UPF2: variants seen among roughly 807,000 people sequenced by gnomAD.
The protein encoded by UPF2 is regulator of nonsense transcripts 2.
In UPF2, 17 loss-of-function variants were observed where a neutral mutation model predicts 141.4. That is an observed-to-expected ratio of 0.12 (90% CI 0.08 to 0.18). The LOEUF is 0.18. UPF2 is among the 10% of genes least tolerant of loss of function. The pLI is 1.00. For synonymous variants in UPF2, 540 were observed against 498.0 expected (o/e 1.08, Z -1.12); for missense variants, 1,152 against 1,515.9 (o/e 0.76, Z 3.99).
intron 8 of UPF2, among the ~76,000 whole-genome samples, chr10:11,981,217 A>C (rs924213397): frequency 6.6e-6 from 1 of 152,164 alleles, no homozygotes; most frequent in African/African-American, 2.4e-5. Flanking sequence ...TAAATGGAGG[A>C]AACTGGCTAA....
At chr10:11,934,260 C>A (rs971272285) in intron 19 of UPF2, among the ~76,000 whole-genome samples, 1 of 152,162 alleles carries the variant, frequency 6.6e-6, no homozygotes, top group Non-Finnish European at 1.5e-5. Flanking sequence ...TTTCCAGGTG[C>A]TCTGAGGACA....
At chr10:11,947,607 T>G (rs1833017285) in intron 16 of UPF2, among the ~76,000 whole-genome samples, 2 of 151,328 alleles carry the variant, frequency 1.3e-5, no homozygotes, top group Admixed American at 1.3e-4. Flanking sequence ...TATAGCAAGA[T>G]CCCCATCTCT....
Position 12,035,329 on chromosome 10 carries a change from C to G in UPF2, c.95G>C (p.Ser32Thr). 6.2e-7 allele frequency: 1 copy of G among 1,613,618 alleles called. No homozygotes were observed. The highest frequency in any genetic ancestry group is 8.5e-7 in the Non-Finnish European group (1 of 1,179,972). The part of the protein sequence containing the change: ...EKDCSERRTV[S>T]SKERPKDDIK... ...ATCGTCTTTTGGCCTCTCCTTGCTG[C>G]TCACTGTCCGCCTTTCACTGCAGTC... Residue 32 changes from serine to threonine, a missense_variant, in exon 2 of 22, where the codon AGC becomes ACC. This residue lies in a region of UPF2 where 145 missense variants were observed against 136.5 expected (regional missense o/e 1.06). Coordinates refer to ENST00000357604, the MANE Select transcript of UPF2 (RefSeq NM_015542.4).
At position 12,029,327 on chromosome 10, in the gene UPF2, G is replaced by A; in HGVS notation, c.563C>T (p.Ser188Phe). The A allele has an allele frequency of 6.2e-7, 1 of 1,614,164 alleles. No homozygotes were observed. ...LKTITEQQRD[S>F]LSHDFNGLNL... ...TAGGCCATTAAAATCATGGGACAAG[G>A]AGTCTCTCTGTTGTTCTGTAATAGT... The change falls in exon 3 of 22, where the codon TCC (serine) becomes TTC (phenylalanine). Residue 188 changes from serine (S) to phenylalanine (F), a missense_variant. This residue lies in a region of UPF2 where 739 missense variants were observed against 1,032.2 expected (regional missense o/e 0.72). Transcript: ENST00000357604.
At chr10:11,967,189 T>G in intron 10 of UPF2, 152 bp downstream of exon 10, 1 of 455,924 alleles carries the variant, frequency 2.2e-6, no homozygotes, top group Non-Finnish European at 3.8e-6. Flanking sequence ...CTATTTGTTT[T>G]GTATTTTGCA....
In UPF2 at chr10:12,035,332, A is replaced by G. The variant is rs772153928; in HGVS notation, c.92T>C (p.Val31Ala). ...KEKDCSERRT[V>A]SSKERPKDDI... Reference sequence around the variant, plus strand: ...GTCTTTTGGCCTCTCCTTGCTGCTCACTGTCCGCCTTTCACTGCAGTCTTT... The same window carrying G: ...GTCTTTTGGCCTCTCCTTGCTGCTCGCTGTCCGCCTTTCACTGCAGTCTTT... The change falls in exon 2 of 22, where the codon GTG (valine) becomes GCG (alanine). Residue 31 changes from valine (V) to alanine (A), a missense_variant. Physicochemically the swap from Val to Ala is moderately conservative, Grantham distance 64. Coordinates refer to ENST00000357604, the MANE Select transcript of UPF2 (RefSeq NM_015542.4). 53 of 1,612,586 alleles carry G rather than the reference A, an allele frequency of 3.3e-5. No individual in the cohort carries two copies. The highest frequency in any genetic ancestry group is 2.5e-6 in the Non-Finnish European group (3 of 1,179,804).
intron 3 of UPF2, among the ~76,000 whole-genome samples, chr10:12,027,266 G>T (rs1200201605): frequency 6.6e-6 from 1 of 152,066 alleles, no homozygotes; most frequent in Non-Finnish European, 1.5e-5. Flanking sequence ...ACTTTGGAAA[G>T]GTGAATGGAT....
At chr10:11,948,308 C>A in intron 16 of UPF2, 61 bp downstream of exon 16, 2 of 1,411,346 alleles carry the variant, frequency 1.4e-6, no homozygotes, top group Non-Finnish European at 1.9e-6. Flanking sequence ...AATTTTGGCT[C>A]ATATAATCAA....
intron 8 of UPF2, among the ~76,000 whole-genome samples, chr10:11,989,306 T>C (rs1336365962): frequency 6.6e-6 from 1 of 152,192 alleles, no homozygotes; most frequent in Non-Finnish European, 1.5e-5. Context: ...TATAGCTCAA[T>C]TGATTAAAAT....
rs1832783025 is a variant in UPF2, at chr10:11,931,648, A to G, written c.3681T>C (p.Asp1227=). The G allele has an allele frequency of 6.3e-7, 1 of 1,599,394 alleles. No homozygotes were observed. Among genetic ancestry groups the G allele is most frequent in the Non-Finnish European group, 8.5e-7 (1 of 1,176,588 alleles). ...LDINERQEQE[D]YQEMLQSLAQ... is the part of the protein sequence containing the mutation. The stretch of plus-strand genomic sequence containing the variant: ...TTATAGATGATTTTATACCTTGATA[A>G]TCTTCTTGTTCTTGCCGTTCATTGA... Residue 1227 remains aspartate, a synonymous_variant, in exon 20 of 22, where the codon GAT becomes GAC. Coordinates refer to ENST00000357604, the MANE Select transcript of UPF2 (RefSeq NM_015542.4). This position sits in a 1 kb window ranked among gnomAD's most constrained non-coding sequence, Gnocchi z 5.9.
chr10:12,001,970 T>C, intron 5 of UPF2, 145 bp from the exon 6 acceptor site: 1 of 750,260 alleles, frequency 1.3e-6, no homozygotes, highest in Non-Finnish European at 2.0e-6. Context: ...ATTTAGATTT[T>C]ATAAAACACA....
chr10:11,972,049 G>A (rs1833426268), intron 9 of UPF2, among the ~76,000 whole-genome samples: 1 of 133,402 alleles, frequency 7.5e-6, no homozygotes, highest in Non-Finnish European at 1.5e-5. Flanking sequence ...GGATAACAGA[G>A]CAAGACTCTG....
chr10:11,948,016 GA>G (rs1833025002), intron 16 of UPF2, among the ~76,000 whole-genome samples: 1 of 151,894 alleles, frequency 6.6e-6, no homozygotes, highest in Non-Finnish European at 1.5e-5. Context: ...GGGAGGCTGA[GA>G]GGGGCAGATC....
chr10:11,969,252 CT>C (rs1833373829), intron 9 of UPF2, among the ~76,000 whole-genome samples: 1 of 151,726 alleles, frequency 6.6e-6, no homozygotes, highest in South Asian at 2.1e-4. Context: ...ACTGCAACCT[CT>C]CTGCCTCTCG....
chr10:11,990,859 G>A (rs1833767701), intron 8 of UPF2, among the ~76,000 whole-genome samples: 1 of 151,248 alleles, frequency 6.6e-6, no homozygotes, highest in African/African-American at 2.4e-5. Flanking sequence ...GTGGTGGCGG[G>A]CACCTGTAGT....
rs56726786 is a variant in UPF2, at chr10:11,960,256, A to T, written c.2185-900T>A. Among the ~76,000 whole-genome samples, 563 of 152,298 alleles carry T rather than the reference A, an allele frequency of 3.7e-3. 5 individuals are homozygous for T. The highest frequency in any genetic ancestry group is 0.013 in the African/African-American group (524 of 41,558). On this transcript the variant is annotated intron_variant, in intron 11 of 21. Coordinates refer to ENST00000357604, the MANE Select transcript of UPF2 (RefSeq NM_015542.4). ...GATTACTGAATAATTAAGTCATTTT[A>T]AAAACATCTGCTGGGCGCAGGGGCT...
intron 8 of UPF2, among the ~76,000 whole-genome samples, chr10:11,982,156 C>A (rs1833608115): frequency 6.6e-6 from 1 of 152,122 alleles, no homozygotes; most frequent in South Asian, 2.1e-4. Context: ...TTTCCACATC[C>A]ATTTTAACAA....
In UPF2 at chr10:12,026,360, A is replaced by G. The variant is rs199676203; in HGVS notation, c.1145+2385T>C. On this transcript the variant is annotated intron_variant, in intron 3 of 21. Transcript: ENST00000357604. The stretch of plus-strand genomic sequence containing the variant: ...ACTAAGGCAATTTTAGGTCACAGAT[A>G]GAAAAGAATGCATCCAAAACAAGTA... Among the ~76,000 whole-genome samples, 14 of 152,356 alleles carry G rather than the reference A, an allele frequency of 9.2e-5. No individual in the cohort carries two copies. In the East Asian group the frequency reaches 2.5e-3, roughly 27 times the overall value.
intron 21 of UPF2, among the ~76,000 whole-genome samples, chr10:11,923,702 G>T (rs1219705504): frequency 2.0e-5 from 3 of 151,736 alleles, no homozygotes; most frequent in African/African-American, 7.3e-5. Flanking sequence ...AGCTGGGCGT[G>T]GTGGCACATG....
Sources: gnomAD v4.1 joint callset for allele counts (sites outside exome capture counted in the v4.1 genomes callset) on GRCh38, gnomAD v4.1.1 for gene constraint, gnomAD v4.1.1 regional missense constraint, Gnocchi (gnomAD v3.1) non-coding constraint, MANE v1.5 for transcripts, NCBI Gene and HGNC (gene_info 2026-07-23, HGNC 2026-07-21) for gene names.